Variants in ARHGEF4 observed in about 807,000 individuals in gnomAD.
ARHGEF4 encodes the protein Rho guanine nucleotide exchange factor 4.
ARHGEF4 carries 119 observed loss-of-function variants against 162.0 expected under a neutral mutation model. The ratio of observed to expected loss-of-function variants is 0.73; its 90% CI spans 0.63 to 0.86. ARHGEF4 has a LOEUF of 0.86. ARHGEF4 is among the 40% of genes least tolerant of loss of function. The pLI is 0.00. For missense variants in ARHGEF4, 2,488 were observed against 2,456.0 expected, an observed-to-expected ratio of 1.01 and a Z score of -0.28; for synonymous variants, 1,014 against 979.9, an observed-to-expected ratio of 1.03 and a Z score of -0.65.
chr2:130,867,246 T>A (rs921246421), intron 1 of ARHGEF4, among the ~76,000 whole-genome samples: 6 of 151,346 alleles, frequency 4.0e-5, no homozygotes, highest in Admixed American at 1.3e-4. Flanking sequence ...ATTATTATTT[T>A]TTTTTTTTAA....
intron 3 of ARHGEF4, among the ~76,000 whole-genome samples, chr2:130,937,335 A>G (rs780600952): frequency 6.6e-6 from 1 of 152,088 alleles, no homozygotes; most frequent in Non-Finnish European, 1.5e-5. Context: ...TTTCCTTCAT[A>G]TTGGAAAATC....
chr2:130,995,888 C>CTTT (rs1184456550), intron 4 of ARHGEF4, among the ~76,000 whole-genome samples: 9 of 136,884 alleles, frequency 6.6e-5, no homozygotes, highest in African/African-American at 1.9e-4. Flanking sequence ...TATTATTCAC[C>CTTT]TTTTTTTTTT....
At chr2:130,988,909 G>T (rs1415129753) in intron 4 of ARHGEF4, among the ~76,000 whole-genome samples, 156 of 139,286 alleles carry the variant, frequency 1.1e-3, no homozygotes, top group Admixed American at 8.3e-3. Context: ...TATAGAGAGA[G>T]AGAGAGAGAG....
intron 4 of ARHGEF4, among the ~76,000 whole-genome samples, chr2:130,962,824 G>A (rs1428131676): frequency 1.3e-5 from 2 of 152,090 alleles, no homozygotes; most frequent in African/African-American, 2.4e-5. Flanking sequence ...CGGGGAGGGG[G>A]GCAGTAAGGG....
chr2:130,852,501 G>T (rs13032611), intron 1 of ARHGEF4, among the ~76,000 whole-genome samples: 29,047 of 149,958 alleles, frequency 0.19, 3,314 homozygotes, highest in African/African-American at 0.29. Flanking sequence ...GGGGAGTGGG[G>T]AGCCATCGGG....
chr2:130,981,099 G>A (rs1686085857), intron 4 of ARHGEF4, among the ~76,000 whole-genome samples: 1 of 151,866 alleles, frequency 6.6e-6, no homozygotes, highest in South Asian at 2.1e-4. Context: ...TTTGTGGCTG[G>A]GAACCTTAAA....
rs1445505678 is a variant in ARHGEF4, at chr2:130,947,101, A to G, written c.3985+466A>G. 4.5e-5 allele frequency: 7 copies of G among 155,954 alleles called. No individual in the cohort carries two copies. The East Asian group carries it at 5.6e-4, about 12-fold the overall frequency. 9.7% of individuals were successfully genotyped at this position (155,954 alleles called of 1,614,324 possible). On this transcript the variant is annotated intron_variant, in intron 4 of 13. Transcript: ENST00000409359. Reference sequence around the variant, plus strand: ...CAAAATTAGCTGGGCATGGTGGCACATGCCTGTAATCTCAGCTACTCGGGA... The same window carrying G: ...CAAAATTAGCTGGGCATGGTGGCACGTGCCTGTAATCTCAGCTACTCGGGA...
At chr2:130,965,976 TA>T (rs1684974094) in intron 4 of ARHGEF4, among the ~76,000 whole-genome samples, 1 of 152,112 alleles carries the variant, frequency 6.6e-6, no homozygotes, top group Non-Finnish European at 1.5e-5. Flanking sequence ...GGGCAGGGTT[TA>T]AAACAACATG....
chr2:130,930,830 T>G, intron 2 of ARHGEF4, 122 bp from the exon 3 acceptor site: 4 of 922,462 alleles, frequency 4.3e-6, no homozygotes, highest in Non-Finnish European at 6.3e-6. Context: ...GACTCTGTAC[T>G]TTGAAAATTA....
intron 1 of ARHGEF4, among the ~76,000 whole-genome samples, chr2:130,881,106 C>A (rs1050063264): frequency 1.3e-5 from 2 of 152,108 alleles, no homozygotes; most frequent in African/African-American, 4.8e-5. Context: ...CATCTCGGCT[C>A]ACTACAACCT....
In ARHGEF4 at chr2:130,915,156, T is replaced by A; in HGVS notation, c.1210T>A (p.Cys404Ser). ...TGGGGCTCCCCATCTGCAGGGTCCC[T>A]GCAAGCCTGGTGGGTTTCGCTTGCA... ...QSGAPHLQGP[C>S]KPGGFRLQRA... Residue 404 changes from cysteine (C) to serine (S), a missense_variant, in exon 2 of 14, where the codon TGC becomes AGC. Around this residue, in one of 6 missense-constraint regions of ARHGEF4, gnomAD observed 1,642 missense variants for 1,481.5 expected, o/e 1.11. Transcript: ENST00000409359. 1 of 1,550,622 alleles carries A rather than the reference T, an allele frequency of 6.4e-7. No homozygotes were observed. The highest frequency in any genetic ancestry group is 8.7e-7 in the Non-Finnish European group (1 of 1,147,000).
intron 2 of ARHGEF4, among the ~76,000 whole-genome samples, chr2:130,924,446 T>C (rs914020983): frequency 3.9e-5 from 6 of 152,082 alleles, no homozygotes; most frequent in Non-Finnish European, 5.9e-5. Context: ...TTTTATAATT[T>C]TAGTAGAGAC....
chr2:131,014,376 T>G (rs574659411), intron 4 of ARHGEF4, among the ~76,000 whole-genome samples: 2 of 152,212 alleles, frequency 1.3e-5, no homozygotes, highest in African/African-American at 2.4e-5. Flanking sequence ...TAATTACTTT[T>G]TAAAGTAATT....
intron 5 of ARHGEF4, among the ~76,000 whole-genome samples, chr2:131,034,305 G>T (rs1690069402): frequency 6.6e-6 from 1 of 152,196 alleles, no homozygotes; most frequent in South Asian, 2.1e-4. Context: ...AGGACACACT[G>T]ACTGTACCTG....
chr2:130,975,809 C>CATGG (rs900980422), intron 4 of ARHGEF4, among the ~76,000 whole-genome samples: 78 of 152,324 alleles, frequency 5.1e-4, no homozygotes, highest in African/African-American at 1.7e-3. Context: ...CATTGCTTGG[C>CATGG]ATCCAGGCCT....
At chr2:131,004,022 C>T (rs896717492) in intron 4 of ARHGEF4, among the ~76,000 whole-genome samples, 2 of 152,146 alleles carry the variant, frequency 1.3e-5, no homozygotes, top group Non-Finnish European at 2.9e-5. Context: ...GATCTTCACT[C>T]CCTACATAGA....
chr2:130,990,419 G>T (rs944257174), intron 4 of ARHGEF4, among the ~76,000 whole-genome samples: 3 of 152,032 alleles, frequency 2.0e-5, no homozygotes, highest in African/African-American at 7.2e-5. Flanking sequence ...ATTATTATTA[G>T]CTTCTTGGTG....
At chr2:130,839,501 A>T (rs1680454611) in intron 1 of ARHGEF4, among the ~76,000 whole-genome samples, 1 of 152,172 alleles carries the variant, frequency 6.6e-6, no homozygotes, top group African/African-American at 2.4e-5. Flanking sequence ...CAGACTCTGT[A>T]CAGCACACAG....
chr2:130,932,280 G>A (rs1682683353), intron 3 of ARHGEF4, among the ~76,000 whole-genome samples: 1 of 152,150 alleles, frequency 6.6e-6, no homozygotes, highest in Admixed American at 6.5e-5. Context: ...TACAGTACTT[G>A]TCTCACTTTG....
Sources: allele counts gnomAD v4.1 joint callset (sites outside exome capture counted in the v4.1 genomes callset), GRCh38; gene constraint gnomAD v4.1.1; regional missense constraint gnomAD v4.1.1; transcripts MANE v1.5; gene names NCBI Gene and HGNC (gene_info 2026-07-23, HGNC 2026-07-21).